ANO10: variants seen among roughly 807,000 people sequenced by gnomAD.
The protein encoded by ANO10 is anoctamin 10, also known as anoctamin-10.
In ANO10, 77 loss-of-function variants were observed where a neutral mutation model predicts 74.7. The ratio of observed to expected loss-of-function variants is 1.03; its 90% confidence interval spans 0.86 to 1.25. ANO10 has a LOEUF of 1.25. Ranked by LOEUF, ANO10 falls within the 50% of genes most tolerant of loss-of-function variation. The pLI, the probability that ANO10 is intolerant of heterozygous loss-of-function variation, is 0.00. For synonymous variants in ANO10, 279 were observed against 284.9 expected, an observed-to-expected ratio of 0.98 and a Z score of 0.21; for missense variants, 721 against 778.1, an observed-to-expected ratio of 0.93 and a Z score of 0.87.
At chr3:43,469,239 G>A (rs7649808) in intron 11 of ANO10, among the ~76,000 whole-genome samples, 4,897 of 149,782 alleles carry the variant, frequency 0.033, 257 homozygotes, top group African/African-American at 0.11. Flanking sequence ...GTAGACATGG[G>A]GTTTCACCAT....
intron 4 of ANO10, among the ~76,000 whole-genome samples, chr3:43,593,557 G>A (rs1014318776): frequency 1.3e-5 from 2 of 152,200 alleles, no homozygotes; most frequent in African/African-American, 4.8e-5. Context: ...ACGAGCAAAT[G>A]CTGAAAGATT....
chr3:43,552,336 T>C (rs1235023972), intron 10 of ANO10, among the ~76,000 whole-genome samples: 1 of 152,070 alleles, frequency 6.6e-6, no homozygotes, highest in Non-Finnish European at 1.5e-5. Flanking sequence ...GGTAGGATCA[T>C]TTGAGGCCAA....
intron 11 of ANO10, among the ~76,000 whole-genome samples, chr3:43,545,360 GTTTTT>G (rs773722635): frequency 2.6e-4 from 39 of 150,804 alleles, no homozygotes; most frequent in Admixed American, 4.0e-4. Flanking sequence ...CCCAATGATG[GTTTTT>G]TTTTGTTTGT....
chr3:43,601,198 A>G (rs2082323566), intron 2 of ANO10, among the ~76,000 whole-genome samples: 2 of 152,192 alleles, frequency 1.3e-5, no homozygotes, highest in Admixed American at 1.3e-4. Context: ...GATTATTTCT[A>G]CCTACATCAA....
At chr3:43,618,861 G>A (rs1424777927) in intron 1 of ANO10, among the ~76,000 whole-genome samples, 4 of 152,032 alleles carry the variant, frequency 2.6e-5, no homozygotes, top group Non-Finnish European at 5.9e-5. Flanking sequence ...GAGTGCAGTG[G>A]AGCAATCTCT....
At position 43,366,884 on chromosome 3, in the gene ANO10, G is replaced by T; in HGVS notation, c.*22C>A. ...CACAGACACAGGCCTCTGCCAACAGGGCAGCTGGGCACGCTGGGCACTCAG... is the reference window on the plus strand; with the variant it reads ...CACAGACACAGGCCTCTGCCAACAGTGCAGCTGGGCACGCTGGGCACTCAG... On this transcript the variant is annotated 3_prime_UTR_variant, in exon 13 of 13. Transcript: ENST00000292246. The T allele has an allele frequency of 6.4e-7, 1 of 1,569,544 alleles. No individual in the cohort carries two copies. The highest frequency in any genetic ancestry group is 2.3e-5 in the East Asian group (1 of 43,114).
chr3:43,500,913 G>A (rs1298154782), intron 11 of ANO10, among the ~76,000 whole-genome samples: 4 of 152,124 alleles, frequency 2.6e-5, no homozygotes, highest in East Asian at 3.8e-4. Context: ...CAACAAAAAC[G>A]GAAGGCAGAC....
chr3:43,676,433 G>A (rs1332973769), intron 1 of ANO10, among the ~76,000 whole-genome samples: 1 of 152,098 alleles, frequency 6.6e-6, no homozygotes, highest in Non-Finnish European at 1.5e-5. Context: ...ACTCCAGCCT[G>A]GGAGACAGAG....
intron 11 of ANO10, among the ~76,000 whole-genome samples, chr3:43,457,646 G>A (rs2075190578): frequency 6.6e-6 from 1 of 152,154 alleles, no homozygotes; most frequent in Non-Finnish European, 1.5e-5. Context: ...TGAGATTTGG[G>A]TGGGAACACA....
chr3:43,645,748 T>C (rs2149565788), intron 1 of ANO10, among the ~76,000 whole-genome samples: 1 of 152,320 alleles, frequency 6.6e-6, no homozygotes, highest in Non-Finnish European at 1.5e-5. Flanking sequence ...TTATTTACTC[T>C]GATAGCTCTG....
At chr3:43,527,714 A>C (rs2078269833) in intron 11 of ANO10, among the ~76,000 whole-genome samples, 2 of 152,220 alleles carry the variant, frequency 1.3e-5, no homozygotes, top group Admixed American at 1.3e-4. Flanking sequence ...CTAAGTGGCA[A>C]GTCAAGTCAG....
rs777914106 is a variant in ANO10 at position 43,565,586 on chromosome 3, G to T, written c.1293+67C>A. 3 of 1,149,572 alleles carry T rather than the reference G, an allele frequency of 2.6e-6. No homozygotes were observed. In the Admixed American group the frequency reaches 7.6e-5, roughly 29 times the overall value. 71.2% of individuals were successfully genotyped at this position (1,149,572 alleles called of 1,614,324 possible). A position where few individuals can be genotyped will look rare whatever the true frequency, so the allele number is the denominator to read the frequency against. On this transcript the variant is annotated intron_variant, in intron 8 of 12. Coordinates refer to ENST00000292246, the MANE Select transcript of ANO10 (RefSeq NM_018075.5). Reference sequence around the variant, plus strand: ...TAAAAATAATTTGAAGGCAATTACAGCATCTAAAGATAGAAAACCACCTCT... The same window carrying T: ...TAAAAATAATTTGAAGGCAATTACATCATCTAAAGATAGAAAACCACCTCT...
chr3:43,557,734 C>CCTAA (rs2079826577), intron 9 of ANO10, among the ~76,000 whole-genome samples: 1 of 43,306 alleles, frequency 2.3e-5, no homozygotes, highest in African/African-American at 8.6e-5. Context: ...GACTCTGTCT[C>CCTAA]AAAAAAAAAA....
chr3:43,594,178 C>T (rs1174148404), intron 4 of ANO10, among the ~76,000 whole-genome samples: 1 of 152,174 alleles, frequency 6.6e-6, no homozygotes, highest in Admixed American at 6.5e-5. Flanking sequence ...TTTAATACCC[C>T]ACTGTCAACA....
At chr3:43,615,855 G>A (rs192713903) in intron 1 of ANO10, among the ~76,000 whole-genome samples, 70 of 152,032 alleles carry the variant, frequency 4.6e-4, no homozygotes, top group African/African-American at 1.4e-3. Context: ...GGGTTTCACC[G>A]TGTTAGCCAG....
rs376783868 is a variant in ANO10, at chr3:43,484,541, C to T, written c.1798-51814G>A. Among the ~76,000 whole-genome samples the T allele has an allele frequency of 1.2e-4, 19 of 152,226 alleles. 1 individual carries two copies. The highest frequency in any genetic ancestry group is 7.7e-4 in the East Asian group (4 of 5,182). On this transcript the variant is annotated intron_variant, in intron 11 of 12. Coordinates refer to ENST00000292246, the MANE Select transcript of ANO10 (RefSeq NM_018075.5). ...TATTTTTGGGGTAAAATATTTCTAT[C>T]GCCTTCAGGGTCTGCTGTCATGTGA...
At chr3:43,615,658 G>T (rs1386555813) in intron 1 of ANO10, among the ~76,000 whole-genome samples, 1 of 147,402 alleles carries the variant, frequency 6.8e-6, no homozygotes, top group Non-Finnish European at 1.5e-5. Context: ...TTTGTTTTTT[G>T]TTTTTTTTTT....
intron 11 of ANO10, among the ~76,000 whole-genome samples, chr3:43,461,089 G>T (rs185115943): frequency 4.0e-5 from 6 of 151,676 alleles, no homozygotes; most frequent in Admixed American, 1.3e-4. Context: ...AAGAACAAAC[G>T]TTTTTTAAAA....
At position 43,576,679 on chromosome 3, in the gene ANO10, C is replaced by G; in HGVS notation, c.1162+13G>C. The G allele has an allele frequency of 1.2e-6, 2 of 1,612,878 alleles. No homozygotes were observed. The highest frequency in any genetic ancestry group is 2.2e-5 in the South Asian group (2 of 91,044). The stretch of plus-strand genomic sequence containing the variant: ...AGGCAAGTAAGACGTGAATATAAAG[C>G]CTCAAGTCTTACCCCATGAAGTTAA... On this transcript the variant is annotated intron_variant, in intron 6 of 12. Coordinates refer to ENST00000292246, the MANE Select transcript of ANO10 (RefSeq NM_018075.5).
Sources: gnomAD v4.1 joint callset for allele counts (sites outside exome capture counted in the v4.1 genomes callset) on GRCh38, gnomAD v4.1.1 for gene constraint, MANE v1.5 for transcripts, NCBI Gene and HGNC (gene_info 2026-07-23, HGNC 2026-07-21) for gene names.